The following HMGB1 variants were observed in gnomAD, a reference collection of about 807,000 sequenced individuals.
HMGB1 encodes high mobility group box 1, also known as high mobility group protein B1.
For missense variants in HMGB1, 79 were observed against 253.5 expected, an observed-to-expected ratio of 0.31 and a Z score of 4.67; for synonymous variants, 81 against 84.0, an observed-to-expected ratio of 0.96 and a Z score of 0.19.
chr13:30,464,710 C>T, intron 1 of HMGB1: 1 of 719,906 alleles, frequency 1.4e-6, no homozygotes, highest in African/African-American at 2.8e-5. Context: ...TCTCCGCCTG[C>T]GCCGCCGCCG....
At chr13:30,555,198 A>C (rs1353347820) in intron 1 of HMGB1, among the ~76,000 whole-genome samples, 3 of 151,484 alleles carry the variant, frequency 2.0e-5, no homozygotes, top group Non-Finnish European at 2.9e-5. Context: ...CCCGCCACCA[A>C]GCCTGGCTAA....
chr13:30,555,173 C>T (rs1410050844), intron 1 of HMGB1, among the ~76,000 whole-genome samples: 1 of 150,600 alleles, frequency 6.6e-6, no homozygotes, highest in Non-Finnish European at 1.5e-5. Flanking sequence ...TCCGGAGTAG[C>T]TGGGAATACA....
At position 30,457,759 on chromosome 13, in the gene HMGB1, A is replaced by T. The variant is rs1351401520; in HGVS notation, c.*3598T>A. The T allele has an allele frequency of 6.6e-6, 1 of 152,168 alleles. No homozygotes were observed. Among genetic ancestry groups the T allele is most frequent in the Non-Finnish European group, 1.5e-5 (1 of 68,026 alleles). The allele number at this position is 152,168 out of a possible 1,614,324, so 9.4% of individuals were successfully genotyped here. A position where few individuals can be genotyped will look rare whatever the true frequency, so the allele number is the denominator to read the frequency against. On this transcript the variant is annotated 3_prime_UTR_variant, in exon 5 of 5. Transcript: ENST00000341423. ...TGTCATGATGTATCGTGAAACAAGC[A>T]ATTCTATAACAGAGCACTATTTTGC...
chr13:30,535,123 G>A (rs1187123974), intron 1 of HMGB1, among the ~76,000 whole-genome samples: 1 of 152,168 alleles, frequency 6.6e-6, no homozygotes, highest in Admixed American at 6.5e-5. Flanking sequence ...TGGATAAGGA[G>A]GGTCCTCTGT....
chr13:30,590,768 A>G (rs529295646), intron 1 of HMGB1, among the ~76,000 whole-genome samples: 622 of 152,284 alleles, frequency 4.1e-3, no homozygotes, highest in Non-Finnish European at 6.4e-3. Context: ...TAGGATGAGC[A>G]CCTGAGGTAG....
intron 1 of HMGB1, among the ~76,000 whole-genome samples, chr13:30,471,654 C>CTTTTTTTT (rs1171119586): frequency 2.0e-4 from 6 of 30,616 alleles, no homozygotes; most frequent in Non-Finnish European, 3.4e-4. Flanking sequence ...CGTGCCCGGC[C>CTTTTTTTT]TTTTTTTTTT....
rs946485964 is a variant in HMGB1, at chr13:30,457,102, ATC to A, written c.*4253_*4254del. 6.6e-6 allele frequency: 1 copy of A among 152,150 alleles called. No individual in the cohort carries two copies. Among genetic ancestry groups the A allele is most frequent in the Non-Finnish European group, 1.5e-5 (1 of 68,028 alleles). 9.4% of individuals were successfully genotyped at this position (152,150 alleles called of 1,614,324 possible). ...GAATATGAGTACATAATTTACAAGG[ATC>A]TCTCTAATCCCTTTTCCACTTATTT... On this transcript the variant is annotated 3_prime_UTR_variant, in exon 5 of 5. Transcript: ENST00000341423.
intron 1 of HMGB1, among the ~76,000 whole-genome samples, chr13:30,483,606 C>T (rs1011201943): frequency 2.4e-5 from 3 of 126,910 alleles, no homozygotes; most frequent in Non-Finnish European, 4.8e-5. Flanking sequence ...CACAAGAGAA[C>T]GTGCAAATTT....
Position 30,463,195 on chromosome 13 carries a change from C to T in HMGB1, c.296+12G>A. ...AACGTGTCTGGGAAGTAAAAACAGG[C>T]AAGATACTCACGGAGGCCTCTTGGG... On this transcript the variant is annotated intron_variant, in intron 3 of 4. Transcript: ENST00000341423. The T allele has an allele frequency of 1.9e-6, 3 of 1,598,506 alleles. No individual in the cohort carries two copies. Among genetic ancestry groups the T allele is most frequent in the South Asian group, 1.1e-5 (1 of 87,174 alleles).
rs562906048 is a variant in HMGB1, at chr13:30,475,227, T to C, written c.-14-11533A>G. On this transcript the variant is annotated intron_variant, in intron 1 of 4. Coordinates refer to the HMGB1 transcript ENST00000405805. Reference sequence around the variant, plus strand: ...CAGCTCACTGTCTCTCTCTCTCTCTTTTTTTTTTTTTTTGAGATAGGGTCT... The same window carrying C: ...CAGCTCACTGTCTCTCTCTCTCTCTCTTTTTTTTTTTTTGAGATAGGGTCT... Among the ~76,000 whole-genome samples, 186 of 137,642 alleles carry C rather than the reference T, an allele frequency of 1.4e-3. 1 individual carries two copies. Among genetic ancestry groups the C allele is most frequent in the African/African-American group, 4.7e-3 (163 of 35,052 alleles). The allele number at this position is 137,642 out of a possible 152,430, so 90.3% of individuals were successfully genotyped here. A position where few individuals can be genotyped will look rare whatever the true frequency, so the allele number is the denominator to read the frequency against.
intron 1 of HMGB1, among the ~76,000 whole-genome samples, chr13:30,592,117 A>C (rs551538939): frequency 6.6e-6 from 1 of 152,200 alleles, no homozygotes; most frequent in South Asian, 2.1e-4. Context: ...TTAATCAATA[A>C]AATATTTCTC....
intron 1 of HMGB1, among the ~76,000 whole-genome samples, chr13:30,531,509 CGTGTGTGTGTGTGT>C (rs376387192): frequency 5.6e-4 from 76 of 135,666 alleles, no homozygotes; most frequent in African/African-American, 1.3e-3. Context: ...GTAACATATA[CGTGTGTGTGTGTGT>C]GTGTGTGTGT....
intron 1 of HMGB1, among the ~76,000 whole-genome samples, chr13:30,594,303 T>C (rs1466979034): frequency 2.0e-5 from 3 of 152,226 alleles, no homozygotes; most frequent in Admixed American, 6.5e-5. Context: ...TTTGGACCTC[T>C]AATGTTCCTG....
chr13:30,502,962 G>A (rs555075156), intron 1 of HMGB1, among the ~76,000 whole-genome samples: 15 of 152,214 alleles, frequency 9.9e-5, no homozygotes, highest in Admixed American at 6.5e-4. Context: ...GAGCCATGGC[G>A]TCCGGCCTTA....
At chr13:30,593,998 T>C (rs904231254) in intron 1 of HMGB1, among the ~76,000 whole-genome samples, 9 of 152,248 alleles carry the variant, frequency 5.9e-5, no homozygotes, top group African/African-American at 2.2e-4. Flanking sequence ...CTTGCTGAAG[T>C]TGCTAACTGT....
Position 30,546,841 on chromosome 13 carries a change from G to A in HMGB1, c.-15+69830C>T, listed in dbSNP as rs115980948. The stretch of plus-strand genomic sequence containing the variant: ...TAATTATTGAATTTTCAATCCTACC[G>A]TGAATCCACCTTTAGGGGTACCTGA... On this transcript the variant is annotated intron_variant, in intron 1 of 4. Coordinates refer to the HMGB1 transcript ENST00000405805. Among the ~76,000 whole-genome samples the A allele has an allele frequency of 4.1e-3, 623 of 152,226 alleles. 10 individuals carry two copies. The highest frequency in any genetic ancestry group is 0.014 in the African/African-American group (597 of 41,536).
At chr13:30,476,586 T>C (rs1385706524) in intron 1 of HMGB1, among the ~76,000 whole-genome samples, 1 of 152,108 alleles carries the variant, frequency 6.6e-6, no homozygotes, top group African/African-American at 2.4e-5. Flanking sequence ...TGTTTATGGC[T>C]GGTGTGATGG....
intron 1 of HMGB1, among the ~76,000 whole-genome samples, chr13:30,474,759 CTTTTTTT>C (rs549499620): frequency 1.1e-5 from 1 of 92,822 alleles, no homozygotes; most frequent in Non-Finnish European, 2.0e-5. Context: ...TCTCTCTCTC[CTTTTTTT>C]TTTTTTTTTT....
chr13:30,567,284 T>C (rs1292936934), intron 1 of HMGB1, among the ~76,000 whole-genome samples: 1 of 152,080 alleles, frequency 6.6e-6, no homozygotes, highest in East Asian at 1.9e-4. Context: ...AAACCAAAAA[T>C]GTCCAGAATA....
Sources: gnomAD v4.1 joint callset for allele counts (sites outside exome capture counted in the v4.1 genomes callset) on GRCh38, gnomAD v4.1.1 for gene constraint, MANE v1.5 for transcripts, NCBI Gene and HGNC (gene_info 2026-07-23, HGNC 2026-07-21) for gene names.